The following NUP153 variants were observed in gnomAD, a reference collection of about 807,000 sequenced individuals.
NUP153 encodes the protein nucleoporin 153, also known as nuclear pore complex protein Nup153.
NUP153 carries 27 observed loss-of-function variants against 134.6 expected under a neutral mutation model. The ratio of observed to expected loss-of-function variants is 0.20; its 90% CI spans 0.15 to 0.28. NUP153 has a LOEUF of 0.28. Ranked by LOEUF, NUP153 falls within the 10% of genes least tolerant of loss-of-function variation. The probability of loss-of-function intolerance (pLI) is 1.00; values close to 1 mark genes in which losing one functional copy is unlikely to be tolerated. For synonymous variants in NUP153, 640 were observed against 623.5 expected, an observed-to-expected ratio of 1.03 and a Z score of -0.40; for missense variants, 1,821 against 1,731.3, an observed-to-expected ratio of 1.05 and a Z score of -0.92.
chr6:17,636,793 G>A (rs1765572925), intron 16 of NUP153, among the ~76,000 whole-genome samples: 2 of 152,144 alleles, frequency 1.3e-5, no homozygotes, highest in African/African-American at 4.8e-5. Flanking sequence ...ATGACCACTA[G>A]CTATCCTGAT....
At position 17,616,170 on chromosome 6, in the gene NUP153, T is replaced by C. The variant is rs764968793; in HGVS notation, c.4355A>G (p.Lys1452Arg). 3 of 1,609,584 alleles carry C rather than the reference T, an allele frequency of 1.9e-6. No homozygotes were observed. Among genetic ancestry groups the C allele is most frequent in the East Asian group, 2.2e-5 (1 of 44,500 alleles). The part of the protein sequence containing the change: ...PAAFTVGSNG[K>R]NVFSSSGTSF... ...AGTTCCAGAAGAAGAGAACACATTTTTCCCATTTGACCTGTGAAAAATAAA... is the reference window on the plus strand; with the variant it reads ...AGTTCCAGAAGAAGAGAACACATTTCTCCCATTTGACCTGTGAAAAATAAA... Residue 1452 changes from lysine to arginine, a missense_variant, in exon 22 of 22, where the codon AAA becomes AGA. Coordinates refer to ENST00000262077, the MANE Select transcript of NUP153 (RefSeq NM_005124.4).
chr6:17,640,101 TA>T, intron 14 of NUP153, 37 bp from the exon 15 acceptor site: 2 of 1,429,018 alleles, frequency 1.4e-6, no homozygotes, highest in East Asian at 2.5e-5. Flanking sequence ...TTATGCCAAA[TA>T]AAACACTGGA....
In NUP153 at chr6:17,625,859, T is replaced by C; in HGVS notation, c.3850A>G (p.Thr1284Ala). Reference sequence around the variant, plus strand: ...CCAAAGCCGAAACCAGAGGTGGTAGTATTATTACTGCTGGCTCCTGGACCA... The same window carrying C: ...CCAAAGCCGAAACCAGAGGTGGTAGCATTATTACTGCTGGCTCCTGGACCA... ...VFGPGASSNN[T>A]TTSGFGFGAT... The change falls in exon 19 of 22, where the codon ACT (threonine) becomes GCT (alanine). Residue 1284 changes from threonine (T) to alanine (A), a missense_variant. Coordinates refer to ENST00000262077, the MANE Select transcript of NUP153 (RefSeq NM_005124.4). The surrounding 1 kb of genome is among the most constrained non-coding windows in gnomAD (Gnocchi z 4.7). The C allele has an allele frequency of 6.2e-7, 1 of 1,614,232 alleles. No individual in the cohort carries two copies. Among genetic ancestry groups the C allele is most frequent in the Non-Finnish European group, 8.5e-7 (1 of 1,180,042 alleles).
chr6:17,670,031 G>T (rs964010717), intron 5 of NUP153, among the ~76,000 whole-genome samples: 1 of 148,668 alleles, frequency 6.7e-6, no homozygotes, highest in Non-Finnish European at 1.5e-5. Flanking sequence ...AGGAGGCGGA[G>T]GTTGTGGTGA....
intron 18 of NUP153, among the ~76,000 whole-genome samples, chr6:17,627,162 T>A (rs1168948384): frequency 6.6e-6 from 1 of 152,190 alleles, no homozygotes; most frequent in Non-Finnish European, 1.5e-5. Context: ...AAATGGAACA[T>A]GTTGGCTTAC....
At chr6:17,687,272 C>G (rs1340419642) in intron 2 of NUP153, among the ~76,000 whole-genome samples, 2 of 152,106 alleles carry the variant, frequency 1.3e-5, no homozygotes, top group Non-Finnish European at 2.9e-5. Flanking sequence ...CTAGAACTCT[C>G]TAACCAAAAG....
At chr6:17,636,981 G>A (rs1765581119) in intron 16 of NUP153, among the ~76,000 whole-genome samples, 172 bp downstream of exon 16, 1 of 152,158 alleles carries the variant, frequency 6.6e-6, no homozygotes, top group Non-Finnish European at 1.5e-5. Flanking sequence ...TATCCTAACT[G>A]AACATAAAGA....
intron 1 of NUP153, among the ~76,000 whole-genome samples, chr6:17,699,361 T>C (rs1425966740): frequency 4.0e-5 from 6 of 150,658 alleles, no homozygotes; most frequent in East Asian, 3.9e-4. Context: ...CCAGGAATAA[T>C]GGTGCGTGCT....
rs182542939 is a variant in NUP153 at position 17,625,621 on chromosome 6, G to A, written c.3901+187C>T. 6.6e-6 allele frequency among the ~76,000 whole-genome samples: 1 copy of A among 152,322 alleles called. No homozygotes were observed. The highest frequency in any genetic ancestry group is 1.9e-4 in the East Asian group (1 of 5,180). On this transcript the variant is annotated intron_variant, in intron 19 of 21. Coordinates refer to ENST00000262077, the MANE Select transcript of NUP153 (RefSeq NM_005124.4). This position sits in a 1 kb window ranked among gnomAD's most constrained non-coding sequence, Gnocchi z 4.7. ...AAAATTGCTCCCAAGAGGTAAATAT[G>A]TTAAAGTTGAACACAGAGAGTGTAC...
intron 2 of NUP153, among the ~76,000 whole-genome samples, chr6:17,682,625 C>T (rs543219965): frequency 4.9e-4 from 75 of 152,108 alleles, no homozygotes; most frequent in Non-Finnish European, 9.1e-4. Flanking sequence ...TTCCATCTCA[C>T]GAAACCACTT....
intron 14 of NUP153, among the ~76,000 whole-genome samples, chr6:17,640,577 A>AT (rs1561867246): frequency 6.6e-6 from 1 of 152,266 alleles, no homozygotes; most frequent in Admixed American, 6.5e-5. Context: ...CATAAATTAC[A>AT]TAACAGTGAC....
chr6:17,665,164 G>A lies in NUP153; in HGVS notation c.1215+75C>T. The stretch of plus-strand genomic sequence containing the variant: ...ATACAGTTGCTAGAATACAATGGTA[G>A]TTATATTTTACATTATTTAGTCTTA... On this transcript the variant is annotated intron_variant, in intron 9 of 21. Transcript: ENST00000262077. 2.7e-6 allele frequency: 3 copies of A among 1,102,840 alleles called. No homozygotes were observed. The South Asian group carries it at 4.6e-5, about 17-fold the overall frequency. The allele number at this position is 1,102,840 out of a possible 1,614,324, so 68.3% of individuals were successfully genotyped here.
intron 2 of NUP153, among the ~76,000 whole-genome samples, chr6:17,683,618 C>A (rs1400133358): frequency 1.3e-5 from 2 of 152,142 alleles, no homozygotes; most frequent in Non-Finnish European, 2.9e-5. Context: ...TTCAATTACA[C>A]AGCACAGGCA....
At chr6:17,616,481 A>T in intron 21 of NUP153, 46 bp downstream of exon 21, 1 of 1,526,906 alleles carries the variant, frequency 6.5e-7, no homozygotes, top group Non-Finnish European at 8.9e-7. Flanking sequence ...ACATGCACAT[A>T]CCCTTACCAA....
intron 1 of NUP153, among the ~76,000 whole-genome samples, chr6:17,691,170 A>G (rs1769253437): frequency 6.6e-6 from 1 of 152,140 alleles, no homozygotes; most frequent in Non-Finnish European, 1.5e-5. Context: ...GGAAAGGTAT[A>G]GGTAGCAACT....
At chr6:17,687,958 C>G (rs550014120) in intron 2 of NUP153, among the ~76,000 whole-genome samples, 1 of 151,196 alleles carries the variant, frequency 6.6e-6, no homozygotes, top group African/African-American at 2.4e-5. Context: ...ATAAAAAATA[C>G]CAAAAAAAAA....
chr6:17,618,390 C>CAGCAAAGAAACAAAATTTTAAGG lies in NUP153; in HGVS notation c.4175-1718_4175-1696dup. Among the ~76,000 whole-genome samples, 3 of 151,972 alleles carry CAGCAAAGAAACAAAATTTTAAGG rather than the reference C, an allele frequency of 2.0e-5. No individual in the cohort carries two copies. In the East Asian group the frequency reaches 5.8e-4, roughly 29 times the overall value. On this transcript the variant is annotated intron_variant, in intron 20 of 21. Transcript: ENST00000262077. ...AAAAGCAATTTTGGGAAAACTGACT[C>CAGCAAAGAAACAAAATTTTAAGG]AGCAAAGAAACAAAATTTTAAGGAG...
rs975499548 is a variant in NUP153 at position 17,675,198 on chromosome 6, T to C, written c.723+31A>G. On this transcript the variant is annotated intron_variant, in intron 4 of 21. Transcript: ENST00000262077. This position sits in a 1 kb window ranked among gnomAD's most constrained non-coding sequence, Gnocchi z 4.4. Reference sequence around the variant, plus strand: ...ATAAGCAATAAACACTCAAAACTAATGTGATTAAATCCAACCCAGTTAGTA... The same window carrying C: ...ATAAGCAATAAACACTCAAAACTAACGTGATTAAATCCAACCCAGTTAGTA... The C allele has an allele frequency of 3.1e-6, 5 of 1,607,288 alleles. No individual in the cohort carries two copies. The highest frequency in any genetic ancestry group is 4.2e-6 in the Non-Finnish European group (5 of 1,177,412).
chr6:17,698,429 C>T (rs1769807041), intron 1 of NUP153, among the ~76,000 whole-genome samples: 1 of 151,832 alleles, frequency 6.6e-6, no homozygotes, highest in African/African-American at 2.4e-5. Context: ...CTGTCTCTAC[C>T]GAAAAAATAC....
Sources: allele counts gnomAD v4.1 joint callset (sites outside exome capture counted in the v4.1 genomes callset), GRCh38; gene constraint gnomAD v4.1.1; non-coding constraint Gnocchi (gnomAD v3.1); transcripts MANE v1.5; gene names NCBI Gene and HGNC (gene_info 2026-07-23, HGNC 2026-07-21).